The following SNX29 variants were observed in gnomAD, a reference collection of about 807,000 sequenced individuals.
SNX29 encodes sorting nexin 29.
A neutral mutation model predicts 102.1 loss-of-function variants in SNX29; 78 were observed. That is an observed-to-expected ratio of 0.76 (90% CI 0.64 to 0.92). The LOEUF (loss-of-function observed/expected upper bound fraction) is 0.92, where lower values mean the gene tolerates loss of function less well. Ranked by LOEUF, SNX29 falls within the 40% of genes least tolerant of loss-of-function variation. The pLI is 0.00. For synonymous variants in SNX29, 580 were observed against 414.5 expected (o/e 1.40, Z -4.85); for missense variants, 1,280 against 1,061.7 (o/e 1.21, Z -2.86).
intron 1 of SNX29, among the ~76,000 whole-genome samples, chr16:11,984,181 G>A (rs399260): frequency 0.76 from 115,157 of 151,760 alleles, 44,667 homozygotes; most frequent in Non-Finnish European, 0.84. Context: ...AGTGGGACCC[G>A]TCTGCCGGTC....
chr16:12,022,650 A>C (rs2057063179), intron 3 of SNX29, among the ~76,000 whole-genome samples: 2 of 152,232 alleles, frequency 1.3e-5, no homozygotes, highest in Admixed American at 1.3e-4. Context: ...ACCACTGATT[A>C]AATGACTTTC....
chr16:12,052,996 T>G (rs1054125167), intron 8 of SNX29: 1 of 152,426 alleles, frequency 6.6e-6, no homozygotes, highest in Admixed American at 6.5e-5. Context: ...CCTGCTGCCT[T>G]AACAGTGGAG....
rs539860417 is a variant in SNX29 at position 12,537,225 on chromosome 16, A to G, written c.2318+12384A>G. ...TTGCTGAGCTTAGAGACCAGACTGC[A>G]AGGTGCCAGGCACACCCAAAATAAT... On this transcript the variant is annotated intron_variant, in intron 20 of 20. Coordinates refer to ENST00000566228, the MANE Select transcript of SNX29 (RefSeq NM_032167.5). Among the ~76,000 whole-genome samples the G allele has an allele frequency of 7.2e-5, 11 of 152,208 alleles. 1 individual carries two copies. Among genetic ancestry groups the G allele is most frequent in the Non-Finnish European group, 1.6e-4 (11 of 68,054 alleles).
chr16:12,148,404 C>G (rs2055155406), intron 13 of SNX29, among the ~76,000 whole-genome samples: 1 of 152,206 alleles, frequency 6.6e-6, no homozygotes, highest in African/African-American at 2.4e-5. Flanking sequence ...CAGATGGTCT[C>G]TGCCTCTCTT....
At chr16:12,247,462 G>C (rs973116375) in intron 14 of SNX29, among the ~76,000 whole-genome samples, 1 of 151,922 alleles carries the variant, frequency 6.6e-6, no homozygotes, top group African/African-American at 2.4e-5. Context: ...AATACCTTCC[G>C]ACTTACAGCA....
chr16:12,302,492 C>T (rs762702651), intron 15 of SNX29, among the ~76,000 whole-genome samples: 2 of 152,184 alleles, frequency 1.3e-5, no homozygotes, highest in Non-Finnish European at 2.9e-5. Flanking sequence ...GATGTGGGGT[C>T]TGGTGAGGGC....
chr16:12,475,294 T>G (rs1439083512), intron 18 of SNX29, among the ~76,000 whole-genome samples: 1 of 152,158 alleles, frequency 6.6e-6, no homozygotes, highest in Non-Finnish European at 1.5e-5. Context: ...CACCCAGTGG[T>G]TGGTAAGATT....
At chr16:12,139,897 C>T (rs2054805333) in intron 13 of SNX29, among the ~76,000 whole-genome samples, 1 of 145,458 alleles carries the variant, frequency 6.9e-6, no homozygotes. Context: ...GGGAGAATCA[C>T]CTGAGCCCAG....
intron 13 of SNX29, among the ~76,000 whole-genome samples, chr16:12,158,488 G>A (rs1168558443): frequency 6.6e-6 from 1 of 152,186 alleles, no homozygotes; most frequent in Non-Finnish European, 1.5e-5. Context: ...GCGTGAGCCA[G>A]TGCACCCAGC....
chr16:12,221,026 C>T (rs1326680598), intron 14 of SNX29, among the ~76,000 whole-genome samples: 5 of 152,148 alleles, frequency 3.3e-5, no homozygotes, highest in African/African-American at 9.7e-5. Context: ...CTCACCCTCT[C>T]TTCATTGGCA....
chr16:11,990,263 C>A (rs1021227656), intron 1 of SNX29, among the ~76,000 whole-genome samples: 4 of 152,162 alleles, frequency 2.6e-5, no homozygotes, highest in Non-Finnish European at 5.9e-5. Flanking sequence ...CATAAAAAAG[C>A]TGGGTTTTCA....
At chr16:12,458,354 T>C (rs910400551) in intron 18 of SNX29, among the ~76,000 whole-genome samples, 1 of 152,110 alleles carries the variant, frequency 6.6e-6, no homozygotes, top group African/African-American at 2.4e-5. Flanking sequence ...GCAGAAGTCT[T>C]CTGGAGAAAC....
chr16:12,527,321 C>G (rs138235380), intron 20 of SNX29: 2 of 530,344 alleles, frequency 3.8e-6, no homozygotes, highest in African/African-American at 1.9e-5. Context: ...ACTGCTGTCT[C>G]AGCTGGAAAG....
At chr16:12,158,666 G>T (rs6498268) in intron 13 of SNX29, among the ~76,000 whole-genome samples, 5,780 of 152,302 alleles carry the variant, frequency 0.038, 387 homozygotes, top group African/African-American at 0.13. Context: ...GGGCCAAAAG[G>T]ACAGCGTGGC....
At chr16:12,565,364 C>G (rs1363338913) in intron 20 of SNX29, among the ~76,000 whole-genome samples, 3 of 152,196 alleles carry the variant, frequency 2.0e-5, no homozygotes, top group Admixed American at 2.0e-4. Context: ...CACTGAAGCC[C>G]CTGGTCTAGC....
intron 19 of SNX29, among the ~76,000 whole-genome samples, chr16:12,515,966 C>T (rs754503597): frequency 2.6e-5 from 4 of 152,148 alleles, no homozygotes; most frequent in African/African-American, 4.8e-5. Context: ...GTGTGGGCTA[C>T]ATGCTCCCAG....
intron 13 of SNX29, among the ~76,000 whole-genome samples, chr16:12,136,712 A>G (rs2054674218): frequency 6.7e-6 from 1 of 149,988 alleles, no homozygotes; most frequent in South Asian, 2.1e-4. Context: ...ATGTCTGTAT[A>G]TAACATTTTA....
intron 11 of SNX29, among the ~76,000 whole-genome samples, chr16:12,085,163 C>T (rs1485992520): frequency 6.6e-6 from 1 of 152,168 alleles, no homozygotes; most frequent in African/African-American, 2.4e-5. Flanking sequence ...ACCCGCATGG[C>T]CAGTGGCTTT....
intron 15 of SNX29, among the ~76,000 whole-genome samples, chr16:12,339,089 C>T (rs910006208): frequency 3.3e-5 from 5 of 152,190 alleles, no homozygotes; most frequent in African/African-American, 7.2e-5. Flanking sequence ...AAGTGGCAGC[C>T]GGGCATGGTG....
Sources: allele counts gnomAD v4.1 joint callset (sites outside exome capture counted in the v4.1 genomes callset), GRCh38; gene constraint gnomAD v4.1.1; transcripts MANE v1.5; gene names NCBI Gene and HGNC (gene_info 2026-07-23, HGNC 2026-07-21).